Variants in DTNA observed in about 807,000 individuals in gnomAD.
The protein encoded by DTNA is dystrobrevin alpha.
A neutral mutation model predicts 100.7 loss-of-function variants in DTNA; 43 were observed. That is an observed-to-expected ratio of 0.43 (90% CI 0.33 to 0.55). The LOEUF (loss-of-function observed/expected upper bound fraction) is 0.55. DTNA is among the 20% of genes least tolerant of loss of function. The pLI is 0.04. For missense variants in DTNA, 798 were observed against 953.9 expected, an observed-to-expected ratio of 0.84 and a Z score of 2.15; for synonymous variants, 349 against 347.9, an observed-to-expected ratio of 1.00 and a Z score of -0.04.
At chr18:34,562,927 G>A (rs896156824) in intron 1 of DTNA, among the ~76,000 whole-genome samples, 3 of 152,196 alleles carry the variant, frequency 2.0e-5, no homozygotes, top group African/African-American at 7.2e-5. Flanking sequence ...GATGTAATGA[G>A]GTACTGTACC....
At chr18:34,832,203 T>G (rs2096028361) in intron 11 of DTNA, among the ~76,000 whole-genome samples, 1 of 152,204 alleles carries the variant, frequency 6.6e-6, no homozygotes, top group Admixed American at 6.5e-5. Flanking sequence ...ATAGATAAAT[T>G]TGTAAATCAA....
intron 1 of DTNA, among the ~76,000 whole-genome samples, chr18:34,580,460 G>C (rs1482616256): frequency 6.6e-6 from 1 of 151,982 alleles, no homozygotes; most frequent in Non-Finnish European, 1.5e-5. Context: ...TCTCTATTTG[G>C]CTGTGTGTGG....
chr18:34,837,885 A>G (rs945007115), intron 11 of DTNA, among the ~76,000 whole-genome samples: 1 of 152,234 alleles, frequency 6.6e-6, no homozygotes, highest in African/African-American at 2.4e-5. Context: ...ATCTGGGATC[A>G]TGGTGATTGC....
chr18:34,502,448 A>G (rs2040028310), intron 1 of DTNA, among the ~76,000 whole-genome samples: 1 of 152,084 alleles, frequency 6.6e-6, no homozygotes, highest in Non-Finnish European at 1.5e-5. Context: ...CAGGGAGCTA[A>G]GATTATTGGT....
intron 1 of DTNA, among the ~76,000 whole-genome samples, chr18:34,494,349 T>C (rs1022282459): frequency 3.9e-5 from 4 of 103,386 alleles, no homozygotes; most frequent in African/African-American, 1.1e-4. Flanking sequence ...GGGAGTGGGC[T>C]CCGGGCCCCG....
intron 1 of DTNA, among the ~76,000 whole-genome samples, chr18:34,500,426 T>C (rs935928940): frequency 6.7e-6 from 1 of 150,058 alleles, no homozygotes; most frequent in Middle Eastern, 3.4e-3. Context: ...ATTAATTCTA[T>C]GTGTGTGTGT....
intron 4 of DTNA, among the ~76,000 whole-genome samples, chr18:34,799,749 C>T (rs1361220689): frequency 6.6e-6 from 1 of 152,184 alleles, no homozygotes; most frequent in African/African-American, 2.4e-5. Flanking sequence ...GCTGTAGATA[C>T]ATTAAATATC....
chr18:34,584,698 T>G (rs546519839), intron 1 of DTNA, among the ~76,000 whole-genome samples: 1 of 152,200 alleles, frequency 6.6e-6, no homozygotes, highest in Non-Finnish European at 1.5e-5. Context: ...TAAAAGTCCC[T>G]GAATTTCAAA....
chr18:34,694,343 G>A (rs537166958), intron 1 of DTNA, among the ~76,000 whole-genome samples: 4 of 152,288 alleles, frequency 2.6e-5, no homozygotes, highest in Admixed American at 2.0e-4. Context: ...ACAAAAGTTA[G>A]TAATAATGTG....
chr18:34,767,662 A>G (rs966359329), intron 3 of DTNA: 4 of 150,700 alleles, frequency 2.7e-5, no homozygotes, highest in Admixed American at 6.7e-5. Context: ...GAGGCTGAGC[A>G]TGCTAACTCA....
intron 1 of DTNA, among the ~76,000 whole-genome samples, chr18:34,675,860 A>G (rs947048571): frequency 1.5e-4 from 23 of 152,214 alleles, no homozygotes; most frequent in African/African-American, 3.9e-4. Flanking sequence ...CATCAGGTGC[A>G]CAACAATGAA....
intron 1 of DTNA, among the ~76,000 whole-genome samples, chr18:34,717,505 G>A (rs1392660578): frequency 1.3e-5 from 2 of 152,168 alleles, no homozygotes; most frequent in Non-Finnish European, 2.9e-5. Flanking sequence ...CCAGAGAAGT[G>A]TTGGTCTCAA....
intron 17 of DTNA, among the ~76,000 whole-genome samples, chr18:34,870,988 G>A (rs2096759905): frequency 6.6e-6 from 1 of 152,206 alleles, no homozygotes; most frequent in Non-Finnish European, 1.5e-5. Flanking sequence ...ATGATAGCCA[G>A]TGAATTTATA....
intron 1 of DTNA, among the ~76,000 whole-genome samples, chr18:34,637,544 G>C (rs1208697163): frequency 6.6e-6 from 1 of 152,110 alleles, no homozygotes; most frequent in East Asian, 1.9e-4. Flanking sequence ...ATACTATTAG[G>C]CTAAAAATTT....
At chr18:34,525,156 G>T (rs891294117) in intron 1 of DTNA, among the ~76,000 whole-genome samples, 5 of 152,056 alleles carry the variant, frequency 3.3e-5, no homozygotes, top group Non-Finnish European at 7.4e-5. Flanking sequence ...TTCAACCTTG[G>T]AAAGTCTCCG....
intron 5 of DTNA, 64 bp downstream of exon 5, chr18:34,806,368 C>T: frequency 1.5e-6 from 2 of 1,360,026 alleles, no homozygotes; most frequent in East Asian, 2.3e-5. Flanking sequence ...TTTTCTCTCC[C>T]TCATTCCTCT....
rs535137576 is a variant in DTNA, at chr18:34,621,914, G to A, written c.-2+128400G>A. Among the ~76,000 whole-genome samples, 5 of 152,176 alleles carry A rather than the reference G, an allele frequency of 3.3e-5. No homozygotes were observed. The East Asian group carries it at 9.6e-4, about 29-fold the overall frequency. On this transcript the variant is annotated intron_variant, in intron 1 of 19. Coordinates refer to the DTNA transcript ENST00000283365. ...TATACATATTTCAAAACAACACATT[G>A]TACATAGTATACGATTTATATTTGT...
intron 17 of DTNA, among the ~76,000 whole-genome samples, chr18:34,873,652 A>G (rs905225641): frequency 3.3e-5 from 5 of 152,228 alleles, no homozygotes; most frequent in African/African-American, 7.2e-5. Flanking sequence ...GTAAGAATGC[A>G]TACTTCCCAG....
chr18:34,718,762 T>C (rs1056267559), intron 1 of DTNA, among the ~76,000 whole-genome samples: 3 of 152,144 alleles, frequency 2.0e-5, no homozygotes, highest in Non-Finnish European at 4.4e-5. Flanking sequence ...AGGAGGACTT[T>C]GGCAGTAACT....
Sources: allele counts gnomAD v4.1 joint callset (sites outside exome capture counted in the v4.1 genomes callset), GRCh38; gene constraint gnomAD v4.1.1; transcripts MANE v1.5; gene names NCBI Gene and HGNC (gene_info 2026-07-23, HGNC 2026-07-21).